ATP2C2: variants seen among roughly 807,000 people sequenced by gnomAD.
ATP2C2 encodes ATPase secretory pathway Ca2+ transporting 2.
A neutral mutation model predicts 110.8 loss-of-function variants in ATP2C2; 171 were observed. The ratio of observed to expected loss-of-function variants is 1.54; its 90% confidence interval spans 1.36 to 1.75. The LOEUF (loss-of-function observed/expected upper bound fraction) is 1.75. Ranked by LOEUF, ATP2C2 falls within the 40% of genes most tolerant of loss-of-function variation. The pLI is 0.00. For missense variants in ATP2C2, 1,963 were observed against 1,235.0 expected (o/e 1.59, Z -8.84); for synonymous variants, 804 against 508.4 (o/e 1.58, Z -7.82).
chr16:84,416,550 A>G (rs906927106), intron 7 of ATP2C2, among the ~76,000 whole-genome samples: 5 of 152,002 alleles, frequency 3.3e-5, no homozygotes, highest in Non-Finnish European at 5.9e-5. Context: ...TGGGTTTACA[A>G]CATTCCTAGC....
chr16:84,411,332 T>G (rs75239936), intron 6 of ATP2C2, among the ~76,000 whole-genome samples: 4,015 of 152,326 alleles, frequency 0.026, 119 homozygotes, highest in East Asian at 0.12. Context: ...GACTAAAATG[T>G]CTGCCAGTAC....
intron 1 of ATP2C2, among the ~76,000 whole-genome samples, chr16:84,369,214 T>C (rs1252706321): frequency 2.0e-5 from 3 of 152,240 alleles, no homozygotes; most frequent in Non-Finnish European, 4.4e-5. Flanking sequence ...CAGGTACTTT[T>C]AGAAAGTCAC....
chr16:84,398,405 C>CA, intron 1 of ATP2C2, 94 bp from the exon 2 acceptor site: 1 of 728,380 alleles, frequency 1.4e-6, no homozygotes, highest in Non-Finnish European at 2.0e-6. Context: ...GACTCCATCT[C>CA]AAAAAAATAA....
chr16:84,458,356 AGGGGG>A (rs1555569048), intron 21 of ATP2C2, among the ~76,000 whole-genome samples: 1 of 4,374 alleles, frequency 2.3e-4, no homozygotes, highest in Admixed American at 5.0e-3. Flanking sequence ...GGGTCGGGGG[AGGGGG>A]GGAGGGATAG....
intron 6 of ATP2C2, among the ~76,000 whole-genome samples, chr16:84,411,617 T>G: frequency 6.6e-6 from 1 of 152,164 alleles, no homozygotes; most frequent in Non-Finnish European, 1.5e-5. Context: ...AATTTTTATA[T>G]TTTTAGTAGA....
At chr16:84,460,168 G>T (rs922669899) in intron 23 of ATP2C2, 9 of 200,506 alleles carry the variant, frequency 4.5e-5, no homozygotes, top group African/African-American at 2.1e-4. Flanking sequence ...GTGGGACCAG[G>T]AAGCTGGCCT....
At chr16:84,403,387 C>T (rs1294218408) in intron 2 of ATP2C2, among the ~76,000 whole-genome samples, 3 of 152,144 alleles carry the variant, frequency 2.0e-5, no homozygotes, top group Non-Finnish European at 2.9e-5. Context: ...GCCAGTGCAG[C>T]CTCCACCTCC....
intron 11 of ATP2C2, among the ~76,000 whole-genome samples, chr16:84,433,871 C>T (rs1027618051): frequency 5.3e-5 from 8 of 152,174 alleles, no homozygotes; most frequent in African/African-American, 4.8e-5. Flanking sequence ...TGGTCACTTC[C>T]GGTTTCTTGT....
intron 17 of ATP2C2, among the ~76,000 whole-genome samples, chr16:84,450,892 G>A (rs117377019): frequency 0.042 from 6,365 of 152,108 alleles, 170 homozygotes; most frequent in Middle Eastern, 0.092. Flanking sequence ...GCAAATGAGG[G>A]CAAGAACTGT....
chr16:84,461,089 C>T (rs1470901685), intron 24 of ATP2C2: 4 of 422,166 alleles, frequency 9.5e-6, no homozygotes, highest in Admixed American at 4.0e-5. Flanking sequence ...CAGGCTGCCC[C>T]CTGTTCCCTT....
intron 23 of ATP2C2, 169 bp from the exon 24 acceptor site, chr16:84,460,485 C>A: frequency 1.1e-6 from 1 of 893,166 alleles, no homozygotes; most frequent in Non-Finnish European, 1.8e-6. Flanking sequence ...GGCTCTGGGG[C>A]TTCTGGAAGG....
At position 84,461,741 on chromosome 16, in the gene ATP2C2, C is replaced by T. The variant is rs781396467; in HGVS notation, c.2509C>T (p.Arg837Cys). 2.4e-5 allele frequency: 38 copies of T among 1,614,080 alleles called. No individual in the cohort carries two copies. The highest frequency in any genetic ancestry group is 9.9e-5 in the South Asian group (9 of 91,090). ...GCCTGAAGACAGAGCAAGCACTCCC[C>T]GCACCACGACGATGACGTTCACTTG... ...EMPEDRASTPRTTTMTFTCFV... is the reference protein window; with the variant it reads ...EMPEDRASTPCTTTMTFTCFV... The change falls in exon 25 of 27, where the codon CGC becomes TGC. Residue 837 changes from arginine to cysteine, a missense_variant. Coordinates refer to ENST00000262429, the MANE Select transcript of ATP2C2 (RefSeq NM_014861.4).
intron 17 of ATP2C2, among the ~76,000 whole-genome samples, chr16:84,450,211 A>G (rs1439988389): frequency 6.6e-6 from 1 of 152,184 alleles, no homozygotes; most frequent in Non-Finnish European, 1.5e-5. Flanking sequence ...TGTGGCTGGG[A>G]AAACTACAAC....
At position 84,422,463 on chromosome 16, in the gene ATP2C2, T is replaced by C. The variant is rs777512574; in HGVS notation, c.698T>C (p.Leu233Ser). The change falls in exon 8 of 27, where the codon TTG becomes TCG. Residue 233 changes from leucine to serine, a missense_variant. Transcript: ENST00000262429. ...AEPCSKTDSPLTGGGDLTTLS... is the reference protein window; with the variant it reads ...AEPCSKTDSPSTGGGDLTTLS... ...CCATGTAGTAAAACAGACAGCCCCT[T>C]GACAGGCGGTGGGGACCTCACCACC... 6.2e-7 allele frequency: 1 copy of C among 1,614,134 alleles called. No individual in the cohort carries two copies. Among genetic ancestry groups the C allele is most frequent in the Non-Finnish European group, 8.5e-7 (1 of 1,180,018 alleles).
chr16:84,440,315 G>C (rs1227606646), intron 13 of ATP2C2, among the ~76,000 whole-genome samples: 1 of 152,242 alleles, frequency 6.6e-6, no homozygotes, highest in African/African-American at 2.4e-5. Flanking sequence ...GAAGCTCTCT[G>C]AATGTGCAAT....
At chr16:84,385,292 C>T (rs143170822) in intron 1 of ATP2C2, among the ~76,000 whole-genome samples, 10 of 152,194 alleles carry the variant, frequency 6.6e-5, no homozygotes, top group South Asian at 2.1e-4. Flanking sequence ...CGAGATCTCA[C>T]GAGAACTCAC....
intron 26 of ATP2C2, 50 bp downstream of exon 26, chr16:84,462,179 G>C (rs1911442847): frequency 1.3e-6 from 2 of 1,579,738 alleles, no homozygotes. Context: ...GGGCCATGGG[G>C]GGCGGCAGCT....
intron 11 of ATP2C2, among the ~76,000 whole-genome samples, chr16:84,438,328 C>T (rs1349466742): frequency 6.6e-6 from 1 of 152,200 alleles, no homozygotes; most frequent in Non-Finnish European, 1.5e-5. Context: ...GGACACCAGG[C>T]ACCAGGCATC....
In ATP2C2 at chr16:84,450,947, C is replaced by A. The variant is rs76045909; in HGVS notation, c.1661-974C>A. 8.7e-4 allele frequency among the ~76,000 whole-genome samples: 132 copies of A among 152,302 alleles called. 3 individuals are homozygous for A. In the East Asian group the frequency reaches 0.023, roughly 27 times the overall value. On this transcript the variant is annotated intron_variant, in intron 17 of 26. Transcript: ENST00000262429. ...TCCACCTCACATGTCCCATTCTGGG[C>A]CAGCTCACAGGTTTCTGCAGCCACT...
Sources: allele counts gnomAD v4.1 joint callset (sites outside exome capture counted in the v4.1 genomes callset), GRCh38; gene constraint gnomAD v4.1.1; transcripts MANE v1.5; gene names NCBI Gene and HGNC (gene_info 2026-07-23, HGNC 2026-07-21).